The following TNRC6A variants were observed in gnomAD, a reference collection of about 807,000 sequenced individuals.
TNRC6A encodes the protein trinucleotide repeat containing adaptor 6A.
In TNRC6A, 44 loss-of-function variants were observed where a neutral mutation model predicts 221.2. The observed-to-expected ratio is 0.20, with a 90% CI of 0.16 to 0.26. The LOEUF (loss-of-function observed/expected upper bound fraction) is 0.26. Among genes scored for constraint, TNRC6A ranks in the 10% least tolerant of loss-of-function variants. The pLI, the probability that TNRC6A is intolerant of heterozygous loss-of-function variation, is 1.00. For missense variants in TNRC6A, 2,199 were observed against 2,404.4 expected (o/e 0.91, Z 1.79); for synonymous variants, 847 against 838.5 (o/e 1.01, Z -0.18).
chr16:24,628,893 G>C (rs562227264), intron 1 of TNRC6A, among the ~76,000 whole-genome samples: 1 of 151,934 alleles, frequency 6.6e-6, no homozygotes, highest in Middle Eastern at 3.4e-3. Context: ...AGACACCCAG[G>C]CTCAAAAAAT....
chr16:24,702,352 A>T (rs912331562), intron 2 of TNRC6A, among the ~76,000 whole-genome samples: 4 of 150,518 alleles, frequency 2.7e-5, no homozygotes, highest in African/African-American at 9.8e-5. Flanking sequence ...TAATTTTTGT[A>T]TTTTTTGTAG....
At chr16:24,702,163 C>T (rs891341374) in intron 2 of TNRC6A, among the ~76,000 whole-genome samples, 9 of 53,662 alleles carry the variant, frequency 1.7e-4, no homozygotes, top group East Asian at 1.2e-3. Context: ...ACTCTTTTTT[C>T]TTTTCTTTTT....
At position 24,730,407 on chromosome 16, in the gene TNRC6A, C is replaced by T. The variant is rs543476399; in HGVS notation, c.53+107C>T. On this transcript the variant is annotated intron_variant, in intron 2 of 24. Transcript: ENST00000395799. ...TTCCCCCGTGACATTTTCTTCCGCA[C>T]CCGGAGAGCAGACATTCGGGAGAAG... The T allele has an allele frequency of 6.7e-6, 9 of 1,351,266 alleles. No individual in the cohort carries two copies. The East Asian group carries it at 8.0e-5, about 12-fold the overall frequency. 83.7% of individuals were successfully genotyped at this position (1,351,266 alleles called of 1,614,324 possible).
chr16:24,693,718 G>A (rs2055801196), intron 2 of TNRC6A, among the ~76,000 whole-genome samples: 1 of 152,082 alleles, frequency 6.6e-6, no homozygotes, highest in African/African-American at 2.4e-5. Flanking sequence ...TGGGCAACAT[G>A]GCAAAACCCC....
At chr16:24,797,695 A>G in intron 10 of TNRC6A, 125 bp downstream of exon 10, 1 of 937,510 alleles carries the variant, frequency 1.1e-6, no homozygotes, top group South Asian at 2.1e-5. Flanking sequence ...ATGTTAGAGT[A>G]AAATCGGCCT....
At chr16:24,689,989 TAAAA>T (rs60944175) in intron 2 of TNRC6A, among the ~76,000 whole-genome samples, 3 of 97,516 alleles carry the variant, frequency 3.1e-5, no homozygotes, top group East Asian at 3.5e-4. Context: ...AGGCTTAAAG[TAAAA>T]AAAAAAAAAA....
At chr16:24,679,325 A>T (rs971580048) in intron 2 of TNRC6A, among the ~76,000 whole-genome samples, 1 of 147,926 alleles carries the variant, frequency 6.8e-6, no homozygotes. Context: ...TTCTCTTGAG[A>T]CAGGGTCTCT....
At chr16:24,739,433 T>C (rs1191041736) in intron 2 of TNRC6A, among the ~76,000 whole-genome samples, 1 of 151,922 alleles carries the variant, frequency 6.6e-6, no homozygotes, top group African/African-American at 2.4e-5. Flanking sequence ...TTATTAGATA[T>C]ATGATTTACA....
intron 2 of TNRC6A, among the ~76,000 whole-genome samples, chr16:24,700,472 G>A (rs2055950168): frequency 2.0e-5 from 3 of 152,036 alleles, no homozygotes; most frequent in African/African-American, 7.2e-5. Flanking sequence ...CCTAACCTCA[G>A]ATGAGCCTCC....
At chr16:24,820,968 A>G (rs1330046060) in intron 22 of TNRC6A, among the ~76,000 whole-genome samples, 2 of 152,124 alleles carry the variant, frequency 1.3e-5, no homozygotes, top group African/African-American at 2.4e-5. Flanking sequence ...CCTTCACTCT[A>G]CCTTGCCTGC....
chr16:24,646,551 C>T (rs201147533), intron 2 of TNRC6A, among the ~76,000 whole-genome samples: 1 of 152,214 alleles, frequency 6.6e-6, no homozygotes, highest in East Asian at 1.9e-4. Context: ...AGGGAAACAT[C>T]AGTCTCTTGT....
chr16:24,630,562 C>T (rs1007783495), intron 1 of TNRC6A, among the ~76,000 whole-genome samples: 19 of 152,168 alleles, frequency 1.2e-4, no homozygotes, highest in Admixed American at 6.6e-5. Context: ...CCTTCTCCCT[C>T]TAGCTACTAC....
chr16:24,809,813 C>T (rs2058507206), intron 18 of TNRC6A, among the ~76,000 whole-genome samples: 2 of 151,984 alleles, frequency 1.3e-5, no homozygotes, highest in Admixed American at 6.6e-5. Context: ...TTGATATGTT[C>T]TTAGGACATT....
chr16:24,644,011 C>T (rs1327413145), intron 2 of TNRC6A, among the ~76,000 whole-genome samples: 1 of 151,412 alleles, frequency 6.6e-6, no homozygotes, highest in Non-Finnish European at 1.5e-5. Flanking sequence ...AGCAGGAACA[C>T]TGGTGCAAAT....
chr16:24,614,617 T>C (rs569039848), intron 1 of TNRC6A, among the ~76,000 whole-genome samples: 15 of 152,300 alleles, frequency 9.8e-5, no homozygotes, highest in Admixed American at 2.6e-4. Flanking sequence ...TTTTTGGGAA[T>C]GACTTGGAGT....
At chr16:24,646,059 T>C (rs1482567681) in intron 2 of TNRC6A, among the ~76,000 whole-genome samples, 1 of 152,042 alleles carries the variant, frequency 6.6e-6, no homozygotes, top group Non-Finnish European at 1.5e-5. Flanking sequence ...GTTAAAAATA[T>C]GCAGAATCAT....
chr16:24,687,864 A>AGAAGAAGAAGAAGAAGAAGAG (rs1475156205), intron 2 of TNRC6A, among the ~76,000 whole-genome samples: 2 of 150,538 alleles, frequency 1.3e-5, no homozygotes, highest in African/African-American at 4.9e-5. Flanking sequence ...AAGAAGAAGA[A>AGAAGAAGAAGAAGAAGAAGAG]GAAGAAGAAG....
chr16:24,702,085 A>ATTTTC (rs1188620362), intron 2 of TNRC6A, among the ~76,000 whole-genome samples: 191 of 74,724 alleles, frequency 2.6e-3, no homozygotes, highest in Non-Finnish European at 3.9e-3. Context: ...TGTAAACTCT[A>ATTTTC]TTTTCTTTTC....
At chr16:24,753,447 G>A (rs1184066546) in intron 3 of TNRC6A, among the ~76,000 whole-genome samples, 3 of 152,314 alleles carry the variant, frequency 2.0e-5, no homozygotes, top group African/African-American at 4.8e-5. Context: ...AGGCTAGGCC[G>A]CTACTGTAAA....
Sources: allele counts gnomAD v4.1 joint callset (sites outside exome capture counted in the v4.1 genomes callset), GRCh38; gene constraint gnomAD v4.1.1; transcripts MANE v1.5; gene names NCBI Gene and HGNC (gene_info 2026-07-23, HGNC 2026-07-21).